RBPJ: variants seen among roughly 807,000 people sequenced by gnomAD.
RBPJ encodes recombining binding protein suppressor of hairless.
A neutral mutation model predicts 67.8 loss-of-function variants in RBPJ; 9 were observed. The ratio of observed to expected loss-of-function variants is 0.13; its 90% CI spans 0.08 to 0.23. RBPJ has a LOEUF of 0.23. Among genes scored for constraint, RBPJ ranks in the 10% least tolerant of loss-of-function variants. The probability of loss-of-function intolerance (pLI) is 1.00; values close to 1 mark genes in which losing one functional copy is unlikely to be tolerated. For synonymous variants in RBPJ, 198 were observed against 203.3 expected (o/e 0.97, Z 0.22); for missense variants, 305 against 595.6 (o/e 0.51, Z 5.08).
intron 1 of RBPJ, among the ~76,000 whole-genome samples, chr4:26,352,159 GC>G (rs1227020112): frequency 6.6e-6 from 1 of 152,050 alleles, no homozygotes; most frequent in Non-Finnish European, 1.5e-5. Flanking sequence ...GTCTTTTTGG[GC>G]TACTGTAACA....
chr4:26,312,353 G>A (rs1036267527), intron 1 of RBPJ, among the ~76,000 whole-genome samples: 4 of 152,018 alleles, frequency 2.6e-5, no homozygotes, highest in Admixed American at 6.6e-5. Context: ...AGATGGTCTC[G>A]ATCTCCTGAC....
intron 1 of RBPJ, among the ~76,000 whole-genome samples, chr4:26,259,028 T>A (rs1250554519): frequency 6.6e-6 from 1 of 151,950 alleles, no homozygotes; most frequent in African/African-American, 2.4e-5. Context: ...AGTCTCAACC[T>A]CCTGACCTCG....
the RBPJ span, among the ~76,000 whole-genome samples, chr4:26,123,666 C>A: frequency 6.6e-6 from 1 of 152,080 alleles, no homozygotes; most frequent in South Asian, 2.1e-4. Context: ...TTTCTTTATA[C>A]CCTTATTCTA....
intron 1 of RBPJ, among the ~76,000 whole-genome samples, chr4:26,328,783 C>T (rs1723918859): frequency 6.6e-6 from 1 of 152,054 alleles, no homozygotes; most frequent in African/African-American, 2.4e-5. Flanking sequence ...TGTGTGCCAC[C>T]AAACCCAGGT....
chr4:26,234,099 T>A (rs1285807788), intron 1 of RBPJ, among the ~76,000 whole-genome samples: 2 of 152,182 alleles, frequency 1.3e-5, no homozygotes, highest in Non-Finnish European at 1.5e-5. Context: ...TTGCAAATAT[T>A]TTTAGATGTA....
chr4:26,326,619 C>G (rs1159026977), intron 1 of RBPJ, among the ~76,000 whole-genome samples: 1 of 152,162 alleles, frequency 6.6e-6, no homozygotes, highest in Non-Finnish European at 1.5e-5. Flanking sequence ...GCTTCAGGTT[C>G]TACCTCTATA....
intron 1 of RBPJ, among the ~76,000 whole-genome samples, chr4:26,265,095 A>C (rs1298194732): frequency 6.6e-6 from 1 of 152,220 alleles, no homozygotes; most frequent in Non-Finnish European, 1.5e-5. Flanking sequence ...CAAAGAGCAG[A>C]CAATAGTTTG....
rs138111773 is a variant in RBPJ at position 26,408,461 on chromosome 4, G to A, written c.155+2191G>A. Among the ~76,000 whole-genome samples, 128 of 148,848 alleles carry A rather than the reference G, an allele frequency of 8.6e-4. No individual in the cohort carries two copies. The East Asian group carries it at 0.021, about 24-fold the overall frequency. ...TTTTTTTTCATAAATAAAATTTAGT[G>A]TGTGTTTATAGCAAGTTTTCTGCTT... On this transcript the variant is annotated intron_variant, in intron 3 of 10. Coordinates refer to ENST00000355476, the MANE Select transcript of RBPJ (RefSeq NM_015874.6).
chr4:26,303,763 C>A (rs73113360), intron 1 of RBPJ, among the ~76,000 whole-genome samples: 1 of 152,114 alleles, frequency 6.6e-6, no homozygotes, highest in African/African-American at 2.4e-5. Flanking sequence ...GGGCAACATA[C>A]TGAGACCCGT....
intron 1 of RBPJ, among the ~76,000 whole-genome samples, chr4:26,199,422 T>G (rs2109151740): frequency 6.6e-6 from 1 of 152,272 alleles, no homozygotes; most frequent in African/African-American, 2.4e-5. Context: ...AGAGAACAAG[T>G]TAACTGCGAG....
At chr4:26,225,366 A>G (rs1719044073) in intron 1 of RBPJ, among the ~76,000 whole-genome samples, 1 of 152,252 alleles carries the variant, frequency 6.6e-6, no homozygotes, top group Admixed American at 6.5e-5. Context: ...CGAAAAGGCT[A>G]CATGCTGTGT....
intron 2 of RBPJ, among the ~76,000 whole-genome samples, chr4:26,399,596 T>C (rs554413851): frequency 6.6e-6 from 1 of 152,202 alleles, no homozygotes; most frequent in African/African-American, 2.4e-5. Context: ...ACAGAGGTAA[T>C]CACAGATTAA....
chr4:26,421,988 A>G (rs1027928443), intron 5 of RBPJ, among the ~76,000 whole-genome samples: 1 of 151,874 alleles, frequency 6.6e-6, no homozygotes, highest in Non-Finnish European at 1.5e-5. Flanking sequence ...GTTTCTTCTC[A>G]CCCTCTCTCA....
the RBPJ span, among the ~76,000 whole-genome samples, chr4:26,150,806 T>C: frequency 6.6e-6 from 1 of 152,170 alleles, no homozygotes; most frequent in Non-Finnish European, 1.5e-5. Flanking sequence ...AGCCACCTAT[T>C]TGGTCAACCC....
chr4:26,392,076 C>A (rs538530240), intron 2 of RBPJ, among the ~76,000 whole-genome samples: 4 of 152,264 alleles, frequency 2.6e-5, no homozygotes, highest in African/African-American at 9.6e-5. Flanking sequence ...GCCCCACCTC[C>A]TATTAGGTTT....
chr4:26,226,194 G>C (rs1719070851), intron 1 of RBPJ, among the ~76,000 whole-genome samples: 1 of 151,744 alleles, frequency 6.6e-6, no homozygotes, highest in Non-Finnish European at 1.5e-5. Flanking sequence ...ACTGGGTATG[G>C]TGTTTTACGC....
exon 1 of RBPJ, chr4:26,163,465 C>G (rs1249128196): frequency 6.6e-6 from 1 of 151,372 alleles, no homozygotes; most frequent in Non-Finnish European, 1.5e-5. Flanking sequence ...TTCATTCTGA[C>G]ATTTTTACTT....
At chr4:26,163,402 A>G (rs1716138553), upstream of RBPJ, 1 of 148,202 alleles carries the variant, frequency 6.7e-6, no homozygotes, top group Admixed American at 6.7e-5. Flanking sequence ...AAAAAAAAAG[A>G]CTTGTGTCTG....
intron 1 of RBPJ, among the ~76,000 whole-genome samples, chr4:26,338,242 G>A (rs1477055530): frequency 2.1e-5 from 3 of 143,374 alleles, no homozygotes; most frequent in Non-Finnish European, 4.5e-5. Context: ...TGCAACCTCT[G>A]CCTCCCGGAT....
Sources: allele counts gnomAD v4.1 joint callset (sites outside exome capture counted in the v4.1 genomes callset), GRCh38; gene constraint gnomAD v4.1.1; transcripts MANE v1.5; gene names NCBI Gene and HGNC (gene_info 2026-07-23, HGNC 2026-07-21).